The following LINGO2 variants were observed in gnomAD, a reference collection of about 807,000 sequenced individuals.
LINGO2 encodes leucine rich repeat and Ig domain containing 2, also known as leucine-rich repeat and immunoglobulin-like domain-containing nogo receptor-interacting protein 2.
Under a neutral mutation model 30.6 loss-of-function variants are expected in LINGO2, and 14 were observed. The ratio of observed to expected loss-of-function variants is 0.46; its 90% CI spans 0.30 to 0.72. LINGO2 has a LOEUF of 0.72. Among genes scored for constraint, LINGO2 ranks in the 30% least tolerant of loss-of-function variants. The probability of loss-of-function intolerance (pLI) is 0.07; values close to 1 mark genes in which losing one functional copy is unlikely to be tolerated. For synonymous variants in LINGO2, 317 were observed against 288.5 expected (o/e 1.10, Z -1.00); for missense variants, 729 against 751.7 (o/e 0.97, Z 0.35).
chr9:28,925,606 T>C, the LINGO2 span, among the ~76,000 whole-genome samples: 1 of 152,224 alleles, frequency 6.6e-6, no homozygotes, highest in African/African-American at 2.4e-5. Flanking sequence ...TTTGTATCTC[T>C]TCCCTTGGAT....
intron 4 of LINGO2, among the ~76,000 whole-genome samples, chr9:28,212,133 C>T (rs979915664): frequency 1.3e-5 from 2 of 151,272 alleles, no homozygotes; most frequent in African/African-American, 4.8e-5. Flanking sequence ...TTTGTCTTTC[C>T]ATCTGAGAAA....
chr9:28,812,406 G>T, the LINGO2 span, among the ~76,000 whole-genome samples: 1 of 151,820 alleles, frequency 6.6e-6, no homozygotes, highest in Non-Finnish European at 1.5e-5. Flanking sequence ...TTCATGATGC[G>T]CAATTATTTG....
intron 3 of LINGO2, among the ~76,000 whole-genome samples, chr9:28,371,824 T>A (rs541760181): frequency 6.6e-6 from 1 of 152,314 alleles, no homozygotes; most frequent in African/African-American, 2.4e-5. Context: ...CATATTGGCA[T>A]ACACATAAGC....
At chr9:28,348,307 A>G (rs1340256969) in intron 3 of LINGO2, among the ~76,000 whole-genome samples, 1 of 152,068 alleles carries the variant, frequency 6.6e-6, no homozygotes, top group African/African-American at 2.4e-5. Flanking sequence ...TGCACGAGCC[A>G]AAGCAGGGCG....
At position 28,005,609 on chromosome 9, in the gene LINGO2, G is replaced by C. The variant is rs572553887; in HGVS notation, c.-36+6746C>G. ...TTTTTAAGTTTAAAGAATATGGCTG[G>C]TCCCAAAGTCTTGTGGGGCTGTAGG... On this transcript the variant is annotated intron_variant, in intron 5 of 5. Transcript: ENST00000379992. Among the ~76,000 whole-genome samples the C allele has an allele frequency of 2.6e-5, 4 of 152,074 alleles. No homozygotes were observed. In the South Asian group the frequency reaches 8.3e-4, roughly 32 times the overall value.
intron 1 of LINGO2, among the ~76,000 whole-genome samples, chr9:28,503,198 A>ATTATAAATT (rs1325178450): frequency 1.3e-5 from 2 of 152,068 alleles, no homozygotes; most frequent in Middle Eastern, 3.2e-3. Flanking sequence ...AGCAGCTCTG[A>ATTATAAATT]TTATAAATTT....
intron 4 of LINGO2, among the ~76,000 whole-genome samples, chr9:28,249,622 A>G (rs1402203665): frequency 6.6e-6 from 1 of 152,180 alleles, no homozygotes; most frequent in African/African-American, 2.4e-5. Context: ...TAAACCTCCT[A>G]AAGCCCAACC....
the LINGO2 span, among the ~76,000 whole-genome samples, chr9:28,683,910 A>G: frequency 6.6e-6 from 1 of 152,264 alleles, no homozygotes; most frequent in East Asian, 1.9e-4. Context: ...CATGTCTCAC[A>G]TGGAGTCAAA....
rs113108758 is a variant in LINGO2 at position 28,377,285 on chromosome 9, A to T, written c.-278-4417T>A. Among the ~76,000 whole-genome samples the T allele has an allele frequency of 1.8e-3, 277 of 152,242 alleles. 8 individuals are homozygous for T. The East Asian group carries it at 0.043, about 23-fold the overall frequency. On this transcript the variant is annotated intron_variant, in intron 2 of 5. Coordinates refer to ENST00000379992, the Ensembl canonical transcript of LINGO2. ...CTGCCTTCTCAGTCTACTCAATGTGAAGAGAAAGAGGATGAAGACCTTTAT... is the reference window on the plus strand; with the variant it reads ...CTGCCTTCTCAGTCTACTCAATGTGTAGAGAAAGAGGATGAAGACCTTTAT...
At chr9:28,775,856 T>A in the LINGO2 span, among the ~76,000 whole-genome samples, 1 of 152,212 alleles carries the variant, frequency 6.6e-6, no homozygotes, top group African/African-American at 2.4e-5. Context: ...CCTAGTTGGT[T>A]ATGCCTTGAG....
the LINGO2 span, among the ~76,000 whole-genome samples, chr9:28,875,498 G>A: frequency 6.6e-6 from 1 of 151,974 alleles, no homozygotes; most frequent in African/African-American, 2.4e-5. Flanking sequence ...TTTACCAATT[G>A]TCTCAAGAGT....
intron 4 of LINGO2, among the ~76,000 whole-genome samples, chr9:28,216,174 T>C (rs13301475): frequency 0.11 from 16,517 of 151,948 alleles, 974 homozygotes; most frequent in Middle Eastern, 0.15. Flanking sequence ...GCCAACATTA[T>C]TTTAGAATGA....
chr9:28,189,266 AGGG>A (rs1564028596), intron 4 of LINGO2, among the ~76,000 whole-genome samples: 5 of 69,180 alleles, frequency 7.2e-5, no homozygotes, highest in Admixed American at 5.2e-4. Context: ...GAAGGAAGGG[AGGG>A]AGGAAGGGAG....
the LINGO2 span, among the ~76,000 whole-genome samples, chr9:29,085,297 A>T: frequency 3.5e-5 from 3 of 86,914 alleles, no homozygotes; most frequent in African/African-American, 1.3e-4. Context: ...AAAAAAAAAA[A>T]AAAAAAAAAA....
chr9:28,835,961 T>C, the LINGO2 span, among the ~76,000 whole-genome samples: 1 of 152,208 alleles, frequency 6.6e-6, no homozygotes, highest in African/African-American at 2.4e-5. Flanking sequence ...CAACTCATTT[T>C]CATTTTTATA....
At chr9:28,968,980 T>A in the LINGO2 span, among the ~76,000 whole-genome samples, 2 of 152,184 alleles carry the variant, frequency 1.3e-5, no homozygotes, top group African/African-American at 2.4e-5. Flanking sequence ...AAAGAGAATG[T>A]GGGAGCACAA....
intron 1 of LINGO2, among the ~76,000 whole-genome samples, chr9:28,660,284 T>G (rs961989290): frequency 1.3e-5 from 2 of 151,968 alleles, no homozygotes; most frequent in Non-Finnish European, 2.9e-5. Context: ...AACATGGTTA[T>G]TAATAACAGA....
intron 4 of LINGO2, among the ~76,000 whole-genome samples, chr9:28,211,332 T>C (rs904128364): frequency 3.3e-5 from 5 of 151,022 alleles, no homozygotes; most frequent in Non-Finnish European, 5.9e-5. Context: ...TTCCCTGCCA[T>C]TGAGTTATAA....
chr9:28,100,364 C>T (rs983101658), intron 4 of LINGO2, among the ~76,000 whole-genome samples: 4 of 152,084 alleles, frequency 2.6e-5, no homozygotes, highest in Non-Finnish European at 5.9e-5. Context: ...TGCTTTCAAA[C>T]AGCTAACTCA....
Sources: allele counts gnomAD v4.1 joint callset (sites outside exome capture counted in the v4.1 genomes callset), GRCh38; gene constraint gnomAD v4.1.1; transcripts MANE v1.5; gene names NCBI Gene and HGNC (gene_info 2026-07-23, HGNC 2026-07-21).